The following COX6B1 variants were observed in gnomAD, a reference collection of about 807,000 sequenced individuals.
COX6B1 encodes cytochrome c oxidase subunit 6B1, also known as COX VIb-1.
In COX6B1, 2 loss-of-function variants were observed where a neutral mutation model predicts 14.0. The observed-to-expected ratio is 0.14, with a 90% CI of 0.06 to 0.45. The LOEUF (loss-of-function observed/expected upper bound fraction) is 0.45, where lower values mean the gene tolerates loss of function less well. Ranked by LOEUF, COX6B1 falls within the 20% of genes least tolerant of loss-of-function variation. The pLI is 0.98. For missense variants in COX6B1, 81 were observed against 114.2 expected (o/e 0.71, Z 1.33); for synonymous variants, 30 against 39.7 (o/e 0.76, Z 0.92).
chr19:35,656,479 CTTTTTT>C (rs371195079), intron 3 of COX6B1, among the ~76,000 whole-genome samples: 2 of 122,596 alleles, frequency 1.6e-5, no homozygotes, highest in Non-Finnish European at 1.6e-5. Context: ...GTTGTTAGAC[CTTTTTT>C]TTTTTTTTTT....
At chr19:35,656,001 A>T in intron 3 of COX6B1, among the ~76,000 whole-genome samples, 1 of 151,520 alleles carries the variant, frequency 6.6e-6, no homozygotes, top group Non-Finnish European at 1.5e-5. Flanking sequence ...CAATTTTTGT[A>T]TTTTTTTTGT....
intron 2 of COX6B1, among the ~76,000 whole-genome samples, chr19:35,653,426 C>G (rs1967851980): frequency 6.6e-6 from 1 of 151,192 alleles, no homozygotes; most frequent in African/African-American, 2.4e-5. Flanking sequence ...GCGCGTGCCA[C>G]CATGCCCGGC....
At chr19:35,656,958 G>C (rs1047835291) in intron 3 of COX6B1, among the ~76,000 whole-genome samples, 1 of 152,088 alleles carries the variant, frequency 6.6e-6, no homozygotes, top group Non-Finnish European at 1.5e-5. Flanking sequence ...CAGCCTCTCT[G>C]TTATCCATGC....
chr19:35,654,728 A>C (rs1400766233), intron 3 of COX6B1, 57 bp downstream of exon 3: 4 of 1,507,994 alleles, frequency 2.7e-6, no homozygotes, highest in East Asian at 4.5e-5. Flanking sequence ...AGCAGAGGGG[A>C]GTGTGGTGGC....
rs201223537 is a variant in COX6B1, at chr19:35,654,621, G to A, written c.157G>A (p.Val53Met). The change falls in exon 3 of 4, where the codon GTG becomes ATG. Residue 53 changes from valine to methionine, a missense_variant. Physicochemically the swap from Val to Met is conservative, Grantham distance 21 (BLOSUM62 1). Transcript: ENST00000649813. ...AMTAKGGDISVCEWYQRVYQS... is the reference protein window; with the variant it reads ...AMTAKGGDISMCEWYQRVYQS... ...GACCGCTAAAGGAGGCGATATCTCT[G>A]TGTGCGAATGGTACCAGCGTGTGTA... 15 of 1,614,160 alleles carry A rather than the reference G, an allele frequency of 9.3e-6. No homozygotes were observed. Among genetic ancestry groups the A allele is most frequent in the Non-Finnish European group, 1.3e-5 (15 of 1,180,034 alleles).
At chr19:35,650,616 CAG>C (rs1967814095) in intron 1 of COX6B1, among the ~76,000 whole-genome samples, 4 of 151,564 alleles carry the variant, frequency 2.6e-5, no homozygotes, top group African/African-American at 9.7e-5. Context: ...GCTGAGGCAA[CAG>C]AATTGCTTGA....
In COX6B1 at chr19:35,651,256, A is replaced by G. The variant is rs373850890; in HGVS notation, c.13A>G (p.Met5Val). The change falls in exon 2 of 4, where the codon ATG becomes GTG. Residue 5 changes from methionine (M) to valine (V), a missense_variant. By Grantham distance (21) the Met-to-Val change is conservative (BLOSUM62 1). Transcript: ENST00000649813. ...AGGATTCAGCACCATGGCGGAAGACATGGAGACCAAAATCAAGAACTACAA... is the reference window on the plus strand; with the variant it reads ...AGGATTCAGCACCATGGCGGAAGACGTGGAGACCAAAATCAAGAACTACAA... The part of the protein sequence containing the change: MAED[M>V]ETKIKNYKTA... The G allele has an allele frequency of 1.7e-5, 27 of 1,613,816 alleles. No individual in the cohort carries two copies. Among genetic ancestry groups the G allele is most frequent in the African/African-American group, 2.7e-5 (2 of 74,912 alleles).
At chr19:35,652,004 AT>A (rs1334493317) in intron 2 of COX6B1, among the ~76,000 whole-genome samples, 1 of 150,524 alleles carries the variant, frequency 6.6e-6, no homozygotes, top group Non-Finnish European at 1.5e-5. Context: ...AAAAGCAGAC[AT>A]TGCCCACACT....
At chr19:35,648,825 C>T (rs777772537) in intron 1 of COX6B1, 9 of 533,012 alleles carry the variant, frequency 1.7e-5, no homozygotes, top group Admixed American at 1.6e-4. Context: ...GTGTCCAGTC[C>T]ATCCTCCCTT....
chr19:35,650,710 A>G (rs79262562), intron 1 of COX6B1, among the ~76,000 whole-genome samples: 1 of 113,478 alleles, frequency 8.8e-6, no homozygotes, highest in East Asian at 2.6e-4. Context: ...TTAAAAAAAG[A>G]AAAAAAAAAA....
chr19:35,655,789 T>C (rs938270269), intron 3 of COX6B1, among the ~76,000 whole-genome samples: 9 of 126,220 alleles, frequency 7.1e-5, no homozygotes, highest in Non-Finnish European at 1.0e-4. Context: ...CTCTCTCTCT[T>C]TGTCGCCCTC....
At chr19:35,649,654 A>G (rs1967802485) in intron 1 of COX6B1, among the ~76,000 whole-genome samples, 1 of 151,774 alleles carries the variant, frequency 6.6e-6, no homozygotes, top group Non-Finnish European at 1.5e-5. Flanking sequence ...AATTTTTTGT[A>G]TTTTTAGTAG....
intron 1 of COX6B1, chr19:35,648,929 GT>G (rs1967791177): frequency 1.9e-6 from 1 of 533,226 alleles, no homozygotes; most frequent in African/African-American, 1.9e-5. Context: ...TTCCTACTGC[GT>G]CTGTGCCCCA....
At chr19:35,657,017 A>C (rs1376488652) in intron 3 of COX6B1, among the ~76,000 whole-genome samples, 1 of 152,072 alleles carries the variant, frequency 6.6e-6, no homozygotes, top group African/African-American at 2.4e-5. Context: ...CCTTTTTGGC[A>C]CCAGGGATGA....
Position 35,656,626 on chromosome 19 carries a change from G to A in COX6B1, c.207+1955G>A, listed in dbSNP as rs1967891979. 8.6e-5 allele frequency among the ~76,000 whole-genome samples: 13 copies of A among 152,020 alleles called. No individual in the cohort carries two copies. The South Asian group carries it at 1.2e-3, about 15-fold the overall frequency. On this transcript the variant is annotated intron_variant, in intron 3 of 3. Transcript: ENST00000649813. ...CTCCCGAGTGTCTGGGATTACAGGCGCCTGCCACCATGCCCAGCTGATTTT... is the reference window on the plus strand; with the variant it reads ...CTCCCGAGTGTCTGGGATTACAGGCACCTGCCACCATGCCCAGCTGATTTT...
chr19:35,658,253 A>G (rs1259846486), intron 3 of COX6B1, among the ~76,000 whole-genome samples: 2 of 151,898 alleles, frequency 1.3e-5, no homozygotes, highest in Non-Finnish European at 2.9e-5. Flanking sequence ...CTGCTATTCC[A>G]TCTCCCCTGT....
chr19:35,656,924 A>G (rs1967894586), intron 3 of COX6B1, among the ~76,000 whole-genome samples: 2 of 152,132 alleles, frequency 1.3e-5, no homozygotes, highest in South Asian at 4.1e-4. Flanking sequence ...ACAGCTAGGA[A>G]GTGATGGAGC....
At chr19:35,654,538 G>T in intron 2 of COX6B1, 33 bp from the exon 3 acceptor site, 15 of 1,532,358 alleles carry the variant, frequency 9.8e-6, no homozygotes, top group Non-Finnish European at 1.4e-5. Context: ...TCCAACTCTT[G>T]ATCTGGGCTG....
chr19:35,655,936 C>T (rs1044150682), intron 3 of COX6B1, among the ~76,000 whole-genome samples: 1 of 152,182 alleles, frequency 6.6e-6, no homozygotes, highest in African/African-American at 2.4e-5. Context: ...CAGCTCACTG[C>T]AGCCTCAGCC....
Sources: allele counts gnomAD v4.1 joint callset (sites outside exome capture counted in the v4.1 genomes callset), GRCh38; gene constraint gnomAD v4.1.1; transcripts MANE v1.5; gene names NCBI Gene and HGNC (gene_info 2026-07-23, HGNC 2026-07-21).